The following ANKRD44 variants were observed in gnomAD, a reference collection of about 807,000 sequenced individuals.
ANKRD44 encodes the protein ankyrin repeat domain 44, also known as serine/threonine-protein phosphatase 6 regulatory ankyrin repeat subunit B.
Under a neutral mutation model 116.0 loss-of-function variants are expected in ANKRD44, and 35 were observed. The ratio of observed to expected loss-of-function variants is 0.30; its 90% CI spans 0.23 to 0.40. The LOEUF is 0.40. Among genes scored for constraint, ANKRD44 ranks in the 10% least tolerant of loss-of-function variants. The pLI is 1.00. For synonymous variants in ANKRD44, 435 were observed against 461.8 expected, an observed-to-expected ratio of 0.94 and a Z score of 0.74; for missense variants, 1,014 against 1,242.6, an observed-to-expected ratio of 0.82 and a Z score of 2.77.
At chr2:197,310,303 C>T (rs547963491) in intron 1 of ANKRD44, among the ~76,000 whole-genome samples, 1 of 148,432 alleles carries the variant, frequency 6.7e-6, no homozygotes, top group Non-Finnish European at 1.5e-5. Context: ...CCCGCCGGGC[C>T]CGCGGCCGCC....
In ANKRD44 at chr2:196,997,677, G is replaced by T. The variant is rs989295545; in HGVS notation, c.2748+660C>A. Among the ~76,000 whole-genome samples the T allele has an allele frequency of 2.0e-5, 3 of 151,802 alleles. No individual in the cohort carries two copies. The South Asian group carries it at 6.2e-4, about 32-fold the overall frequency. The stretch of plus-strand genomic sequence containing the variant: ...ATGGTCAGGCTGGTCTCGAACTCCC[G>T]ACCTCAGGTAATCCACCTGCCTCGG... On this transcript the variant is annotated intron_variant, in intron 25 of 27. Coordinates refer to ENST00000282272, the MANE Select transcript of ANKRD44 (RefSeq NM_001195144.2).
chr2:197,303,807 G>T (rs1280369352), intron 1 of ANKRD44, among the ~76,000 whole-genome samples: 2 of 152,120 alleles, frequency 1.3e-5, no homozygotes, highest in African/African-American at 4.8e-5. Flanking sequence ...TTCAAAAGAG[G>T]AGGCAAGTGA....
At chr2:197,257,881 A>G (rs968189941) in intron 1 of ANKRD44, among the ~76,000 whole-genome samples, 1 of 152,148 alleles carries the variant, frequency 6.6e-6, no homozygotes, top group African/African-American at 2.4e-5. Flanking sequence ...CAATTAAACA[A>G]TAACTTCCCA....
intron 18 of ANKRD44, among the ~76,000 whole-genome samples, chr2:197,012,336 A>C (rs1188893568): frequency 1.3e-5 from 2 of 152,188 alleles, no homozygotes; most frequent in African/African-American, 4.8e-5. Flanking sequence ...CCACAATCAA[A>C]GTAGGCCCTT....
intron 2 of ANKRD44, among the ~76,000 whole-genome samples, chr2:197,156,082 C>T (rs1192128860): frequency 3.9e-5 from 6 of 152,132 alleles, no homozygotes; most frequent in Non-Finnish European, 8.8e-5. Flanking sequence ...CGTGGTGGCT[C>T]ACACCTGTAA....
chr2:197,210,408 C>A (rs1438507242), intron 1 of ANKRD44, among the ~76,000 whole-genome samples: 1 of 152,148 alleles, frequency 6.6e-6, no homozygotes, highest in Non-Finnish European at 1.5e-5. Flanking sequence ...ATGTAAGTAA[C>A]CTGACTGATG....
At chr2:196,981,573 C>T (rs987856529) in intron 21 of ANKRD44, among the ~76,000 whole-genome samples, 1 of 152,076 alleles carries the variant, frequency 6.6e-6, no homozygotes. Context: ...GTTGGGAGTT[C>T]GAGACCAGCC....
intron 1 of ANKRD44, among the ~76,000 whole-genome samples, chr2:197,190,734 T>C (rs908953728): frequency 1.3e-5 from 2 of 152,200 alleles, no homozygotes; most frequent in Admixed American, 6.5e-5. Context: ...TGCTCATAAG[T>C]ATTAAGGACA....
chr2:197,178,561 G>T (rs998775228), intron 2 of ANKRD44, among the ~76,000 whole-genome samples: 113 of 152,048 alleles, frequency 7.4e-4, no homozygotes, highest in African/African-American at 2.5e-3. Flanking sequence ...TTGAGAAAAA[G>T]ATAAATAACC....
In ANKRD44 at chr2:197,049,906, T is replaced by C. The variant is rs182703172; in HGVS notation, c.1651-24639A>G. The stretch of plus-strand genomic sequence containing the variant: ...TAAGCTAATCCAATGATCTCTCTTT[T>C]TAATCTTGGCCAAGACACCCCTTGG... On this transcript the variant is annotated intron_variant, in intron 16 of 27. Coordinates refer to ENST00000282272, the MANE Select transcript of ANKRD44 (RefSeq NM_001195144.2). 5.2e-3 allele frequency among the ~76,000 whole-genome samples: 790 copies of C among 152,316 alleles called. 12 individuals are homozygous for C. The highest frequency in any genetic ancestry group is 7.4e-3 in the Admixed American group (113 of 15,296).
intron 9 of ANKRD44, among the ~76,000 whole-genome samples, chr2:197,101,719 A>G (rs556611062): frequency 5.4e-4 from 82 of 152,352 alleles, no homozygotes; most frequent in African/African-American, 1.9e-3. Context: ...GATACAGGCA[A>G]TCAGAGTGTA....
chr2:197,165,566 T>C (rs2080084324), intron 2 of ANKRD44, among the ~76,000 whole-genome samples: 1 of 152,160 alleles, frequency 6.6e-6, no homozygotes, highest in South Asian at 2.1e-4. Flanking sequence ...GAAGGCCAAA[T>C]GTAAGAGGCA....
chr2:197,019,907 C>T (rs991433738), intron 17 of ANKRD44, among the ~76,000 whole-genome samples: 2 of 151,974 alleles, frequency 1.3e-5, no homozygotes, highest in African/African-American at 4.8e-5. Flanking sequence ...AGTAATTCTC[C>T]TGCCTCAGCC....
chr2:197,046,638 T>C (rs1340303921), intron 16 of ANKRD44, among the ~76,000 whole-genome samples: 1 of 12,352 alleles, frequency 8.1e-5, no homozygotes, highest in Non-Finnish European at 1.9e-4. Context: ...AGAGCGAGAC[T>C]GGCAAAAAAA....
In ANKRD44 at chr2:196,987,740, G is replaced by C. The variant is rs554560155; in HGVS notation, c.*1851C>G. 1.0e-6 allele frequency: 1 copy of C among 985,292 alleles called. No individual in the cohort carries two copies. Among genetic ancestry groups the C allele is most frequent in the South Asian group, 4.7e-5 (1 of 21,264 alleles). The allele number at this position is 985,292 out of a possible 1,614,324, so 61.0% of individuals were successfully genotyped here. On this transcript the variant is annotated 3_prime_UTR_variant, in exon 28 of 28. Coordinates refer to ENST00000282272, the MANE Select transcript of ANKRD44 (RefSeq NM_001195144.2). ...AAGACAGGCAGACACTGGCAAATAA[G>C]TAAGTGCAATGAAACATGATCCTTG...
intron 1 of ANKRD44, among the ~76,000 whole-genome samples, chr2:197,293,196 G>A (rs2083620037): frequency 6.6e-6 from 1 of 152,178 alleles, no homozygotes; most frequent in Non-Finnish European, 1.5e-5. Flanking sequence ...ATAAAAGAAG[G>A]GAAGGATGGT....
At position 197,013,749 on chromosome 2, in the gene ANKRD44, G is replaced by A. The variant is rs781572632; in HGVS notation, c.1723-37C>T. 34 of 1,607,318 alleles carry A rather than the reference G, an allele frequency of 2.1e-5. No individual in the cohort carries two copies. In the Admixed American group the frequency reaches 2.3e-4, roughly 11 times the overall value. On this transcript the variant is annotated intron_variant, in intron 17 of 27. Coordinates refer to ENST00000282272, the MANE Select transcript of ANKRD44 (RefSeq NM_001195144.2). ...AAACCAATGGCTCCCATGCTTGCTC[G>A]CTCACCTCAAATCCCGCCACAGTCC... is the stretch of plus-strand genomic sequence containing the variant.
chr2:197,223,782 A>G (rs539108500), intron 1 of ANKRD44, among the ~76,000 whole-genome samples: 1 of 152,222 alleles, frequency 6.6e-6, no homozygotes, highest in Non-Finnish European at 1.5e-5. Flanking sequence ...CTGTTTAACT[A>G]TATCTTCACT....
intron 9 of ANKRD44, among the ~76,000 whole-genome samples, chr2:197,101,965 T>C (rs1216418098): frequency 3.9e-5 from 6 of 152,198 alleles, no homozygotes; most frequent in Admixed American, 3.9e-4. Flanking sequence ...GCTTACTCAT[T>C]CTTATCCCTT....
Sources: allele counts gnomAD v4.1 joint callset (sites outside exome capture counted in the v4.1 genomes callset), GRCh38; gene constraint gnomAD v4.1.1; transcripts MANE v1.5; gene names NCBI Gene and HGNC (gene_info 2026-07-23, HGNC 2026-07-21).